Variants in KLF7 observed in about 807,000 individuals in gnomAD.
KLF7 encodes the protein Krueppel-like factor 7.
KLF7 carries 2 observed loss-of-function variants against 27.3 expected under a neutral mutation model. The ratio of observed to expected loss-of-function variants is 0.07; its 90% CI spans 0.03 to 0.23. The LOEUF is 0.23. Ranked by LOEUF, KLF7 falls within the 10% of genes least tolerant of loss-of-function variation. The pLI is 1.00. For missense variants in KLF7, 221 were observed against 394.1 expected, an observed-to-expected ratio of 0.56 and a Z score of 3.72; for synonymous variants, 165 against 162.4, an observed-to-expected ratio of 1.02 and a Z score of -0.12.
At chr2:207,106,397 G>A (rs1250000169) in intron 2 of KLF7, among the ~76,000 whole-genome samples, 6 of 152,212 alleles carry the variant, frequency 3.9e-5, no homozygotes, top group South Asian at 4.1e-4. Context: ...TATTGCAGCA[G>A]AGATGGAGAA....
At chr2:207,157,443 G>A (rs1048420704) in intron 1 of KLF7, among the ~76,000 whole-genome samples, 2 of 151,922 alleles carry the variant, frequency 1.3e-5, no homozygotes, top group African/African-American at 2.4e-5. Context: ...AAGGCTAAAG[G>A]AAACAACAAA....
chr2:207,165,627 T>G lies in KLF7; in HGVS notation c.-59A>C. ...CCTCCCCCGAACACAGTTGGGGCTG[T>G]TTGTTTGTCAGTCTGTCTGGCTCAC... On this transcript the variant is annotated 5_prime_UTR_variant, in exon 1 of 4. Coordinates refer to ENST00000309446, the MANE Select transcript of KLF7 (RefSeq NM_003709.4). 2 of 1,608,046 alleles carry G rather than the reference T, an allele frequency of 1.2e-6. No homozygotes were observed. The highest frequency in any genetic ancestry group is 1.7e-6 in the Non-Finnish European group (2 of 1,177,230).
intron 2 of KLF7, among the ~76,000 whole-genome samples, chr2:207,090,701 C>A (rs2076491223): frequency 6.6e-6 from 1 of 152,106 alleles, no homozygotes; most frequent in African/African-American, 2.4e-5. Flanking sequence ...TAAGTATTTT[C>A]TCAGCATATT....
intron 2 of KLF7, among the ~76,000 whole-genome samples, chr2:207,097,568 G>C (rs1367163066): frequency 6.6e-6 from 1 of 152,176 alleles, no homozygotes. Context: ...AAATACACGG[G>C]ACTAAAGAAA....
intron 1 of KLF7, among the ~76,000 whole-genome samples, chr2:207,161,174 T>C (rs2078534486): frequency 6.6e-6 from 1 of 152,246 alleles, no homozygotes; most frequent in Non-Finnish European, 1.5e-5. Flanking sequence ...AGGCTAAGTG[T>C]GTGATTGATT....
At chr2:207,126,809 C>CAAA (rs35099385) in intron 1 of KLF7, among the ~76,000 whole-genome samples, 19 of 128,948 alleles carry the variant, frequency 1.5e-4, no homozygotes, top group Admixed American at 3.0e-4. Flanking sequence ...CTGTTTCTAC[C>CAAA]AAAAAAAAAA....
At chr2:207,119,843 A>G (rs1238925665) in intron 2 of KLF7, among the ~76,000 whole-genome samples, 4 of 152,130 alleles carry the variant, frequency 2.6e-5, no homozygotes, top group Non-Finnish European at 5.9e-5. Flanking sequence ...AGCTGGGACT[A>G]CAGGCACGCG....
intron 1 of KLF7, among the ~76,000 whole-genome samples, chr2:207,162,978 CAA>C (rs1194234616): frequency 1.3e-5 from 2 of 152,168 alleles, no homozygotes; most frequent in Non-Finnish European, 2.9e-5. Context: ...CTGTTTTGAG[CAA>C]AAGAGTCTCA....
At chr2:207,130,767 A>C (rs1326049085) in intron 1 of KLF7, among the ~76,000 whole-genome samples, 1 of 152,192 alleles carries the variant, frequency 6.6e-6, no homozygotes, top group East Asian at 1.9e-4. Context: ...TTGGTGCAAT[A>C]TTTTTGCTAC....
chr2:207,126,123 C>T (rs1317784040), intron 1 of KLF7, among the ~76,000 whole-genome samples: 1 of 152,214 alleles, frequency 6.6e-6, no homozygotes. Flanking sequence ...ATGACCTTCT[C>T]AGGTCTAGAA....
chr2:207,160,855 C>T (rs2078526511), intron 1 of KLF7, among the ~76,000 whole-genome samples: 1 of 152,128 alleles, frequency 6.6e-6, no homozygotes. Flanking sequence ...TCTGACACAC[C>T]CATACATAAA....
intron 1 of KLF7, chr2:207,148,999 C>T (rs2078171107): frequency 2.6e-6 from 3 of 1,155,780 alleles, no homozygotes; most frequent in Middle Eastern, 2.4e-4. Flanking sequence ...ATCTACTGTC[C>T]TTCCTTTTGT....
rs190113797 is a variant in KLF7, at chr2:207,095,133, T to C, written c.734-6552A>G. 3.3e-3 allele frequency among the ~76,000 whole-genome samples: 455 copies of C among 138,658 alleles called. 1 individual carries two copies. Among genetic ancestry groups the C allele is most frequent in the African/African-American group, 0.012 (435 of 37,710 alleles). The allele number at this position is 138,658 out of a possible 152,430, so 91.0% of individuals were successfully genotyped here. ...TCGGCTCACTGCAAGCTCCGCCTCC[T>C]GGGTTCACGCCATTCTCCTGCCTCA... is the stretch of plus-strand genomic sequence containing the variant. On this transcript the variant is annotated intron_variant, in intron 2 of 3. Coordinates refer to ENST00000309446, the MANE Select transcript of KLF7 (RefSeq NM_003709.4).
intron 2 of KLF7, among the ~76,000 whole-genome samples, chr2:207,120,560 C>T (rs966294272): frequency 8.6e-5 from 13 of 151,908 alleles, no homozygotes; most frequent in African/African-American, 2.9e-4. Flanking sequence ...CCCTTTTTTT[C>T]CTGTCCCAAA....
chr2:207,165,954 C>G (rs1400323236), upstream of KLF7: 1 of 1,031,720 alleles, frequency 9.7e-7, no homozygotes, highest in South Asian at 4.2e-5. Context: ...CTGTTCGCTC[C>G]TAATGCAATC....
chr2:207,106,622 C>T (rs1263605), intron 2 of KLF7, among the ~76,000 whole-genome samples: 60,495 of 151,938 alleles, frequency 0.4, 12,653 homozygotes, highest in African/African-American at 0.52. Context: ...ATGAAGTTCC[C>T]CTGCAAGAAG....
intron 2 of KLF7, among the ~76,000 whole-genome samples, chr2:207,106,344 C>T (rs1158644869): frequency 3.3e-5 from 5 of 152,044 alleles, no homozygotes; most frequent in South Asian, 2.1e-4. Context: ...CTACAACTGC[C>T]AAGGAGAAAG....
intron 1 of KLF7, among the ~76,000 whole-genome samples, chr2:207,159,798 C>T (rs2078489497): frequency 6.6e-6 from 1 of 152,134 alleles, no homozygotes; most frequent in African/African-American, 2.4e-5. Flanking sequence ...ATATATCAAG[C>T]ATGTGGTACT....
intron 3 of KLF7, among the ~76,000 whole-genome samples, chr2:207,081,544 T>C (rs2076272060): frequency 6.6e-6 from 1 of 152,156 alleles, no homozygotes; most frequent in Non-Finnish European, 1.5e-5. Context: ...CATAGGTGGG[T>C]TGTGAGGATT....
Sources: gnomAD v4.1 joint callset for allele counts (sites outside exome capture counted in the v4.1 genomes callset) on GRCh38, gnomAD v4.1.1 for gene constraint, MANE v1.5 for transcripts, NCBI Gene and HGNC (gene_info 2026-07-23, HGNC 2026-07-21) for gene names.